The following CPD variants were observed in gnomAD, a reference collection of about 807,000 sequenced individuals.
CPD encodes the protein carboxypeptidase D.
In CPD, 69 loss-of-function variants were observed where a neutral mutation model predicts 138.3. The ratio of observed to expected loss-of-function variants is 0.50; its 90% confidence interval spans 0.41 to 0.61. The LOEUF is 0.61. CPD is among the 20% of genes least tolerant of loss of function. The pLI, the probability that CPD is intolerant of heterozygous loss-of-function variation, is 0.00. For missense variants in CPD, 1,432 were observed against 1,733.3 expected, an observed-to-expected ratio of 0.83 and a Z score of 3.09; for synonymous variants, 651 against 642.1, an observed-to-expected ratio of 1.01 and a Z score of -0.21.
Position 30,379,170 on chromosome 17 carries a change from T to C in CPD, c.190T>C (p.Leu64=). The C allele has an allele frequency of 6.5e-7, 1 of 1,533,940 alleles. No homozygotes were observed. Among genetic ancestry groups the C allele is most frequent in the Non-Finnish European group, 8.7e-7 (1 of 1,143,820 alleles). ...QFDRYYHEEE[L]ESALREAAAA... ...CGACCGCTACTACCACGAAGAGGAG[T>C]TGGAGTCGGCGCTGAGGGAGGCGGC... is the stretch of plus-strand genomic sequence containing the variant. Residue 64 remains leucine (L), a synonymous_variant, in exon 1 of 21, where the codon TTG becomes CTG. Transcript: ENST00000225719. The surrounding 1 kb of genome is among the most constrained non-coding windows in gnomAD (Gnocchi z 7.0).
chr17:30,464,004 T>C (rs1913562399), intron 20 of CPD, among the ~76,000 whole-genome samples: 1 of 152,110 alleles, frequency 6.6e-6, no homozygotes, highest in African/African-American at 2.4e-5. Flanking sequence ...AAAAGTATAA[T>C]AGAAGTCATA....
rs113868957 is a variant in CPD, at chr17:30,394,901, ATGTGTG to A, written c.994+9685_994+9690del. Among the ~76,000 whole-genome samples the A allele has an allele frequency of 1.6e-4, 24 of 148,428 alleles. No individual in the cohort carries two copies. In the South Asian group the frequency reaches 2.6e-3, roughly 16 times the overall value. ...ACAGCAAGCGAGTGAGCATGTGTGT[ATGTGTG>A]TGTGTGTGTGTGTGTGTGTTCGTTC... On this transcript the variant is annotated intron_variant, in intron 2 of 20. Coordinates refer to ENST00000225719, the MANE Select transcript of CPD (RefSeq NM_001304.5).
At chr17:30,402,056 A>G (rs1408810387) in intron 2 of CPD, among the ~76,000 whole-genome samples, 1 of 140,930 alleles carries the variant, frequency 7.1e-6, no homozygotes, top group Non-Finnish European at 1.5e-5. Flanking sequence ...TTTTTTTCAG[A>G]TCTTTTTTTC....
At chr17:30,409,925 T>C (rs1400222586) in intron 2 of CPD, among the ~76,000 whole-genome samples, 2 of 152,212 alleles carry the variant, frequency 1.3e-5, no homozygotes, top group African/African-American at 4.8e-5. Context: ...CTCTTGCTTC[T>C]CTAGTTCTTT....
chr17:30,445,492 C>A (rs1247907764), intron 11 of CPD, among the ~76,000 whole-genome samples, 199 bp from the exon 12 acceptor site: 1 of 152,028 alleles, frequency 6.6e-6, no homozygotes. Context: ...AAAATCCATT[C>A]ATATTTTGTA....
chr17:30,438,277 T>G (rs1912759136), intron 8 of CPD, among the ~76,000 whole-genome samples: 1 of 152,138 alleles, frequency 6.6e-6, no homozygotes, highest in Non-Finnish European at 1.5e-5. Flanking sequence ...AAAGCTCAAT[T>G]TCTTCTAGGA....
At chr17:30,430,641 GT>G (rs942009795) in intron 7 of CPD, among the ~76,000 whole-genome samples, 2 of 152,018 alleles carry the variant, frequency 1.3e-5, no homozygotes, top group African/African-American at 2.4e-5. Context: ...TTGAGTTCCT[GT>G]TTTCTTTTCC....
In CPD at chr17:30,461,220, T is replaced by C; in HGVS notation, c.3539T>C (p.Val1180Ala). Reference sequence around the variant, plus strand: ...TATGGCCATTGTCCGGAAATCACAGTATACACAAGCTGCTGTTACTTTCCT... The same window carrying C: ...TATGGCCATTGTCCGGAAATCACAGCATACACAAGCTGCTGTTACTTTCCT... ...VTYGHCPEIT[V>A]YTSCCYFPSA... The change falls in exon 18 of 21, where the codon GTA becomes GCA. Residue 1180 changes from valine (V) to alanine (A), a missense_variant. Transcript: ENST00000225719. 6.2e-7 allele frequency: 1 copy of C among 1,610,948 alleles called. No homozygotes were observed. The highest frequency in any genetic ancestry group is 2.2e-5 in the East Asian group (1 of 44,770).
At chr17:30,452,992 T>C (rs1913204455) in intron 14 of CPD, among the ~76,000 whole-genome samples, 1 of 152,080 alleles carries the variant, frequency 6.6e-6, no homozygotes, top group Non-Finnish European at 1.5e-5. Context: ...CCCGCCCCCA[T>C]GATTCAGTTA....
At chr17:30,430,726 T>C (rs1375590034) in intron 7 of CPD, among the ~76,000 whole-genome samples, 1 of 152,138 alleles carries the variant, frequency 6.6e-6, no homozygotes, top group Admixed American at 6.5e-5. Flanking sequence ...TGATCATGGC[T>C]CACTGCAGCC....
Position 30,379,010 on chromosome 17 carries a change from T to C in CPD, c.30T>C (p.Pro10=), listed in dbSNP as rs2143285897. The change falls in exon 1 of 21, where the codon CCT becomes CCC. Residue 10 remains proline (P), a synonymous_variant. Coordinates refer to ENST00000225719, the MANE Select transcript of CPD (RefSeq NM_001304.5). The surrounding 1 kb of genome is among the most constrained non-coding windows in gnomAD (Gnocchi z 7.0). ...CGAGCGGCCGGGACGAGCGGCCGCC[T>C]TGGCGGCTAGGGCGGCTCCTGTTGC... is the stretch of plus-strand genomic sequence containing the variant. The part of the protein sequence containing the change: MASGRDERP[P]WRLGRLLLLM... The C allele has an allele frequency of 6.4e-7, 1 of 1,550,812 alleles. No homozygotes were observed. The highest frequency in any genetic ancestry group is 8.6e-7 in the Non-Finnish European group (1 of 1,158,020).
intron 3 of CPD, 61 bp downstream of exon 3, chr17:30,421,044 G>C: frequency 6.9e-7 from 1 of 1,458,924 alleles, no homozygotes. Flanking sequence ...GGAGAAATTT[G>C]GATGCATGTG....
At chr17:30,389,071 C>T (rs1298078599) in intron 2 of CPD, among the ~76,000 whole-genome samples, 1 of 152,228 alleles carries the variant, frequency 6.6e-6, no homozygotes, top group African/African-American at 2.4e-5. Flanking sequence ...ATAGGGGTTC[C>T]TCTCTGCCTG....
intron 17 of CPD, among the ~76,000 whole-genome samples, chr17:30,457,616 G>A (rs1913334932): frequency 1.3e-5 from 2 of 151,122 alleles, no homozygotes; most frequent in Admixed American, 6.6e-5. Flanking sequence ...AGCAATGTTT[G>A]AGGTTTCCAA....
chr17:30,408,119 A>G (rs1911855605), intron 2 of CPD, among the ~76,000 whole-genome samples: 2 of 152,108 alleles, frequency 1.3e-5, no homozygotes, highest in Admixed American at 1.3e-4. Context: ...CAAATATCAG[A>G]TGGTTGTAGA....
chr17:30,454,004 C>T (rs1472397378), intron 14 of CPD: 3 of 152,230 alleles, frequency 2.0e-5, no homozygotes, highest in Non-Finnish European at 2.9e-5. Context: ...GCCCACAAAA[C>T]CAGTTTTTCC....
At chr17:30,422,613 A>T in intron 4 of CPD, 61 bp from the exon 5 acceptor site, 1 of 1,105,970 alleles carries the variant, frequency 9.0e-7, no homozygotes, top group South Asian at 1.6e-5. Context: ...GTGCTTTTAT[A>T]ATATTAAAGC....
intron 2 of CPD, among the ~76,000 whole-genome samples, chr17:30,416,869 G>T (rs543314455): frequency 6.6e-6 from 1 of 152,232 alleles, no homozygotes; most frequent in East Asian, 1.9e-4. Flanking sequence ...TTGGGAGGCT[G>T]AGGCGGGTGG....
rs1485399104 is a variant in CPD at position 30,451,779 on chromosome 17, GA to G, written c.3141del (p.Asp1048ThrfsTer6). ...CAGATGGGCGAGAGAGAGCTCAAGA[GA>G]AAGACTGTACTTCAAAAATAGGACA... ...NPDGRERAQEKDCTSKIGQTN... is the reference protein window; with the variant it reads ...NPDGRERAQEXDCTSKIGQTN... On this transcript the variant is annotated frameshift_variant, in exon 14 of 21. Transcript: ENST00000225719. LOFTEE classifies it high-confidence loss of function. The G allele has an allele frequency of 1.9e-6, 3 of 1,613,916 alleles. No individual in the cohort carries two copies. The highest frequency in any genetic ancestry group is 2.5e-6 in the Non-Finnish European group (3 of 1,179,952).
Sources: allele counts gnomAD v4.1 joint callset (sites outside exome capture counted in the v4.1 genomes callset), GRCh38; gene constraint gnomAD v4.1.1; non-coding constraint Gnocchi (gnomAD v3.1); transcripts MANE v1.5; gene names NCBI Gene and HGNC (gene_info 2026-07-23, HGNC 2026-07-21).